Variants in PRKG1 observed in about 807,000 individuals in gnomAD.
PRKG1 encodes protein kinase cGMP-dependent 1.
PRKG1 carries 35 observed loss-of-function variants against 88.1 expected under a neutral mutation model. The ratio of observed to expected loss-of-function variants is 0.40; its 90% CI spans 0.30 to 0.53. The LOEUF (loss-of-function observed/expected upper bound fraction) is 0.53, where lower values mean the gene tolerates loss of function less well. PRKG1 is among the 20% of genes least tolerant of loss of function. The pLI, the probability that PRKG1 is intolerant of heterozygous loss-of-function variation, is 0.59. For missense variants in PRKG1, 540 were observed against 839.8 expected (o/e 0.64, Z 4.41); for synonymous variants, 303 against 292.5 (o/e 1.04, Z -0.37).
intron 9 of PRKG1, among the ~76,000 whole-genome samples, chr10:52,216,766 G>T (rs1840123220): frequency 6.6e-6 from 1 of 152,094 alleles, no homozygotes; most frequent in Admixed American, 6.5e-5. Context: ...CTTTTTCTGA[G>T]AATTAAATGG....
At chr10:51,510,942 G>T (rs1334752370) in intron 3 of PRKG1, among the ~76,000 whole-genome samples, 1 of 149,100 alleles carries the variant, frequency 6.7e-6, no homozygotes, top group Non-Finnish European at 1.5e-5. Context: ...TAGTAGAGAC[G>T]GGGTTTTTAC....
At chr10:52,292,623 T>C (rs1842277719) in intron 17 of PRKG1, among the ~76,000 whole-genome samples, 1 of 152,180 alleles carries the variant, frequency 6.6e-6, no homozygotes, top group African/African-American at 2.4e-5. Flanking sequence ...TTGATCTATA[T>C]CTCTGTTTTG....
intron 4 of PRKG1, among the ~76,000 whole-genome samples, chr10:51,893,274 C>A (rs536220088): frequency 6.6e-6 from 1 of 151,950 alleles, no homozygotes; most frequent in East Asian, 1.9e-4. Context: ...CTTCTGAATT[C>A]GTCTCAAGTA....
chr10:51,096,181 G>A (rs927976481), intron 1 of PRKG1, among the ~76,000 whole-genome samples: 1 of 152,060 alleles, frequency 6.6e-6, no homozygotes, highest in African/African-American at 2.4e-5. Flanking sequence ...GGAAGGAAAG[G>A]GAAAGAGGAG....
At chr10:51,797,825 G>A (rs139361508) in intron 3 of PRKG1, among the ~76,000 whole-genome samples, 1 of 151,616 alleles carries the variant, frequency 6.6e-6, no homozygotes, top group Non-Finnish European at 1.5e-5. Context: ...CCAGCCCCCA[G>A]TAACTACTAT....
At chr10:51,269,228 A>G (rs1839915019) in intron 2 of PRKG1, among the ~76,000 whole-genome samples, 1 of 152,172 alleles carries the variant, frequency 6.6e-6, no homozygotes, top group African/African-American at 2.4e-5. Flanking sequence ...ATATTATTAA[A>G]TGTTGGCATG....
At chr10:51,423,396 A>C (rs1008983951) in intron 2 of PRKG1, among the ~76,000 whole-genome samples, 1 of 152,204 alleles carries the variant, frequency 6.6e-6, no homozygotes, top group African/African-American at 2.4e-5. Flanking sequence ...TGCTTTCTTC[A>C]TATCTCTTTG....
intron 9 of PRKG1, among the ~76,000 whole-genome samples, chr10:52,205,460 G>T (rs1589698710): frequency 6.6e-6 from 1 of 152,150 alleles, no homozygotes. Flanking sequence ...AAACAGAAAA[G>T]AACCCACGTT....
At chr10:51,118,888 G>C (rs567985044) in intron 1 of PRKG1, among the ~76,000 whole-genome samples, 53 of 152,170 alleles carry the variant, frequency 3.5e-4, no homozygotes, top group African/African-American at 1.1e-3. Flanking sequence ...ACAGCATATT[G>C]GTTCTGAATG....
At chr10:51,037,860 C>A (rs1843371339) in intron 1 of PRKG1, among the ~76,000 whole-genome samples, 2 of 152,030 alleles carry the variant, frequency 1.3e-5, no homozygotes, top group South Asian at 2.1e-4. Context: ...CATTCAAAGG[C>A]AATTAATTAC....
At chr10:51,800,546 C>T (rs1330010381) in intron 3 of PRKG1, among the ~76,000 whole-genome samples, 1 of 152,056 alleles carries the variant, frequency 6.6e-6, no homozygotes, top group Non-Finnish European at 1.5e-5. Context: ...TACTTTACTG[C>T]AGTACAGTTT....
chr10:51,148,499 T>C (rs1402104971), intron 1 of PRKG1, among the ~76,000 whole-genome samples: 1 of 152,172 alleles, frequency 6.6e-6, no homozygotes, highest in African/African-American at 2.4e-5. Context: ...CAGATGTTAA[T>C]GCTCACATTT....
rs537339391 is a variant in PRKG1 at position 52,179,282 on chromosome 10, T to G, written c.1076+17319T>G. ...TCTTCTAAGGCCAGTCTACTAGTGA[T>G]GAATTCCCTTAGCTTTTGCTTGTTT... On this transcript the variant is annotated intron_variant, in intron 9 of 17. Transcript: ENST00000373980. Among the ~76,000 whole-genome samples the G allele has an allele frequency of 3.9e-5, 6 of 152,330 alleles. No homozygotes were observed. In the East Asian group the frequency reaches 9.6e-4, roughly 24 times the overall value.
In PRKG1 at chr10:52,282,208, G is replaced by A. The variant is rs1842017226; in HGVS notation, c.1601G>A (p.Cys534Tyr). 1 of 1,609,050 alleles carries A rather than the reference G, an allele frequency of 6.2e-7. No homozygotes were observed. Among genetic ancestry groups the A allele is most frequent in the Non-Finnish European group, 8.5e-7 (1 of 1,177,340 alleles). Reference sequence around the variant, plus strand: ...TTTGGAAAGAAAACATGGACTTTTTGTGGGACTCCAGAGTATGTAGCCCCA... The same window carrying A: ...TTTGGAAAGAAAACATGGACTTTTTATGGGACTCCAGAGTATGTAGCCCCA... ...IGFGKKTWTFCGTPEYVAPEI... is the reference protein window; with the variant it reads ...IGFGKKTWTFYGTPEYVAPEI... Residue 534 changes from cysteine to tyrosine, a missense_variant, in exon 14 of 18, where the codon TGT (cysteine) becomes TAT (tyrosine). This residue lies in a region of PRKG1 where 97 missense variants were observed against 210.6 expected (regional missense o/e 0.46). Coordinates refer to ENST00000373980, the MANE Select transcript of PRKG1 (RefSeq NM_006258.4).
intron 2 of PRKG1, among the ~76,000 whole-genome samples, chr10:51,238,126 C>T (rs1350731864): frequency 1.3e-5 from 2 of 152,138 alleles, no homozygotes; most frequent in Non-Finnish European, 2.9e-5. Context: ...TTTTCCAAAT[C>T]ATGCTGCTTA....
At chr10:51,253,384 G>A (rs1839474857) in intron 2 of PRKG1, among the ~76,000 whole-genome samples, 1 of 151,820 alleles carries the variant, frequency 6.6e-6, no homozygotes, top group African/African-American at 2.4e-5. Context: ...GTTTTATAAG[G>A]TTGATTTTAT....
intron 4 of PRKG1, among the ~76,000 whole-genome samples, chr10:51,875,438 G>T (rs1841271928): frequency 4.6e-5 from 7 of 151,870 alleles, no homozygotes; most frequent in Admixed American, 4.6e-4. Flanking sequence ...TTGATTGGTT[G>T]GTTGGTTGGC....
chr10:51,712,245 T>C (rs1012430873), intron 3 of PRKG1, among the ~76,000 whole-genome samples: 1 of 152,316 alleles, frequency 6.6e-6, no homozygotes, highest in Admixed American at 6.5e-5. Flanking sequence ...TGTGTCTCCT[T>C]TCCTCTGAGT....
intron 5 of PRKG1, among the ~76,000 whole-genome samples, chr10:51,945,750 A>G (rs2133040592): frequency 6.6e-6 from 1 of 150,854 alleles, no homozygotes. Flanking sequence ...TCTGGGTTGA[A>G]AATTCTTTTC....
Sources: allele counts gnomAD v4.1 joint callset (sites outside exome capture counted in the v4.1 genomes callset), GRCh38; gene constraint gnomAD v4.1.1; regional missense constraint gnomAD v4.1.1; transcripts MANE v1.5; gene names NCBI Gene and HGNC (gene_info 2026-07-23, HGNC 2026-07-21).